The following FRMPD3 variants were observed in gnomAD, a reference collection of about 807,000 sequenced individuals.
The protein encoded by FRMPD3 is FERM and PDZ domain containing 3.
A neutral mutation model predicts 97.9 loss-of-function variants in FRMPD3; 42 were observed. The observed-to-expected ratio is 0.43, with a 90% CI of 0.34 to 0.55. FRMPD3 has a LOEUF of 0.55. FRMPD3 is among the 20% of genes least tolerant of loss of function. The pLI is 0.03. For synonymous variants in FRMPD3, 577 were observed against 581.1 expected (o/e 0.99, Z 0.10); for missense variants, 1,303 against 1,457.7 (o/e 0.89, Z 1.73).
At chrX:107,475,026 A>G (rs1224085575) in intron 1 of FRMPD3, among the ~76,000 whole-genome samples, 2 of 111,759 alleles carry the variant, frequency 1.8e-5, no homozygotes, top group Non-Finnish European at 3.8e-5. Context: ...CCCACCTCCA[A>G]CAGGGGGACC....
chrX:107,509,995 A>G (rs1025475301), intron 1 of FRMPD3, among the ~76,000 whole-genome samples: 9 of 111,455 alleles, frequency 8.1e-5, no homozygotes, highest in African/African-American at 2.9e-4. Context: ...GATTCACAGT[A>G]AGGGACTCTG....
chrX:107,566,711 T>C (rs1922617715), intron 12 of FRMPD3, among the ~76,000 whole-genome samples: 1 of 113,425 alleles, frequency 8.8e-6, no homozygotes, highest in Non-Finnish European at 1.9e-5. Flanking sequence ...TCTTTGGTCA[T>C]GGGTGAAACC....
At chrX:107,575,750 C>T (rs1009089434) in intron 12 of FRMPD3, among the ~76,000 whole-genome samples, 8 of 112,395 alleles carry the variant, frequency 7.1e-5, no homozygotes, top group Non-Finnish European at 1.5e-4. Context: ...CGCGCCGGGC[C>T]GAGCATGACG....
chrX:107,526,043 T>C (rs1386384540), intron 1 of FRMPD3, among the ~76,000 whole-genome samples: 1 of 110,849 alleles, frequency 9.0e-6, no homozygotes, highest in Non-Finnish European at 1.9e-5. Context: ...GTCACTGCAC[T>C]CCAGCCTGGG....
At chrX:107,551,238 G>A (rs754147107) in intron 6 of FRMPD3, among the ~76,000 whole-genome samples, 2 of 111,297 alleles carry the variant, frequency 1.8e-5, no homozygotes, top group African/African-American at 3.3e-5. Context: ...TTAGGCCTAG[G>A]TGGGTCCCCC....
intron 5 of FRMPD3, 94 bp from the exon 6 acceptor site, chrX:107,549,955 C>T: frequency 1.8e-6 from 1 of 562,073 alleles, no homozygotes; most frequent in Non-Finnish European, 3.0e-6. Flanking sequence ...CTGTCTCCAT[C>T]ACCTTTTCTC....
At chrX:107,600,116 G>A (rs1233314529) in intron 14 of FRMPD3, among the ~76,000 whole-genome samples, 187 bp from the exon 15 acceptor site, 1 of 111,917 alleles carries the variant, frequency 8.9e-6, no homozygotes, top group Non-Finnish European at 1.9e-5. Context: ...TAAAGTACAT[G>A]GAAAGATGTA....
At chrX:107,506,071 C>T (rs1273089580) in intron 1 of FRMPD3, among the ~76,000 whole-genome samples, 2 of 112,429 alleles carry the variant, frequency 1.8e-5, no homozygotes, top group African/African-American at 6.5e-5. Context: ...CTAGCATAAC[C>T]CAGACCTCGA....
intron 1 of FRMPD3, among the ~76,000 whole-genome samples, chrX:107,486,966 C>T (rs1921521201): frequency 9.1e-6 from 1 of 110,000 alleles, no homozygotes; most frequent in Admixed American, 9.7e-5. Context: ...GATCTAGGGC[C>T]GGGCATTGTG....
chrX:107,517,519 G>A (rs993193827), intron 1 of FRMPD3, among the ~76,000 whole-genome samples: 1 of 111,377 alleles, frequency 9.0e-6, no homozygotes, highest in Non-Finnish European at 1.9e-5. Flanking sequence ...CGGCACTTTG[G>A]GAGGCCAAGG....
chrX:107,459,203 C>A (rs1931424580), intron 1 of FRMPD3, among the ~76,000 whole-genome samples: 1 of 112,596 alleles, frequency 8.9e-6, no homozygotes, highest in African/African-American at 3.2e-5. Flanking sequence ...ATTACATCCC[C>A]CAACAGGGAG....
chrX:107,597,296 C>G (rs1171161356), intron 13 of FRMPD3, 25 bp from the exon 14 acceptor site: 57 of 1,150,842 alleles, frequency 5.0e-5, no homozygotes, highest in Non-Finnish European at 6.4e-5. Context: ...CAGGGCTCAT[C>G]TGTTGATTCT....
intron 2 of FRMPD3, among the ~76,000 whole-genome samples, chrX:107,529,892 T>C (rs945895968): frequency 8.9e-6 from 1 of 111,863 alleles, no homozygotes; most frequent in Non-Finnish European, 1.9e-5. Context: ...GAAATGGAAG[T>C]CTGCGTTCCT....
At chrX:107,583,930 G>A (rs375514189) in intron 13 of FRMPD3, among the ~76,000 whole-genome samples, 62 of 103,515 alleles carry the variant, frequency 6.0e-4, no homozygotes, top group African/African-American at 1.6e-3. Flanking sequence ...GTACAGTGGC[G>A]TGATCTCGGC....
intron 12 of FRMPD3, among the ~76,000 whole-genome samples, chrX:107,570,722 C>T (rs1011488796): frequency 2.7e-5 from 3 of 111,497 alleles, no homozygotes; most frequent in Non-Finnish European, 3.8e-5. Flanking sequence ...CATCTTTTAC[C>T]CTTCCCCTCC....
intron 8 of FRMPD3, chrX:107,554,898 C>G (rs1922011789): frequency 6.2e-6 from 1 of 160,210 alleles, no homozygotes; most frequent in African/African-American, 3.0e-5. Flanking sequence ...GACACTTACT[C>G]TGGGTTAAGC....
intron 1 of FRMPD3, among the ~76,000 whole-genome samples, chrX:107,512,472 A>T (rs1922191571): frequency 9.0e-6 from 1 of 111,167 alleles, no homozygotes; most frequent in African/African-American, 3.3e-5. Context: ...TTTCCTCTTC[A>T]CCGTCTGCAA....
At position 107,449,806 on chromosome X, in the gene FRMPD3, G is replaced by A. The variant is rs1931240404; in HGVS notation, c.-207G>A. ...CTCCCCGCGTCCCGGGCCAGCTGCT[G>A]CCGCCCTGCCAACCTCTGCCCGCCC... On this transcript the variant is annotated 5_prime_UTR_variant, in exon 1 of 15. Transcript: ENST00000683843. Among the ~76,000 whole-genome samples the A allele has an allele frequency of 9.3e-6, 1 of 108,108 alleles. No individual in the cohort carries two copies. The highest frequency in any genetic ancestry group is 3.3e-5 in the African/African-American group (1 of 30,044). The allele number at this position is 108,108 out of a possible 115,157, so 93.9% of individuals were successfully genotyped here. A position where few individuals can be genotyped will look rare whatever the true frequency, so the allele number is the denominator to read the frequency against.
intron 4 of FRMPD3, among the ~76,000 whole-genome samples, chrX:107,542,297 T>G (rs1921347350): frequency 8.9e-6 from 1 of 112,643 alleles, no homozygotes; most frequent in Non-Finnish European, 1.9e-5. Context: ...TCTCCAGCTC[T>G]GGATTTCATT....
Sources: allele counts gnomAD v4.1 joint callset (sites outside exome capture counted in the v4.1 genomes callset), GRCh38; gene constraint gnomAD v4.1.1; transcripts MANE v1.5; gene names NCBI Gene and HGNC (gene_info 2026-07-23, HGNC 2026-07-21).